Variants in PTPN9 observed in about 807,000 individuals in gnomAD.
The protein encoded by PTPN9 is tyrosine-protein phosphatase non-receptor type 9.
In PTPN9, 26 loss-of-function variants were observed where a neutral mutation model predicts 69.8. The observed-to-expected ratio is 0.37, with a 90% confidence interval of 0.27 to 0.52. The LOEUF (loss-of-function observed/expected upper bound fraction) is 0.52, where lower values mean the gene tolerates loss of function less well. PTPN9 is among the 20% of genes least tolerant of loss of function. The pLI is 0.91. For synonymous variants in PTPN9, 274 were observed against 272.5 expected (o/e 1.01, Z -0.05); for missense variants, 549 against 740.3 (o/e 0.74, Z 3.00).
At chr15:75,545,667 C>T (rs753352650) in intron 1 of PTPN9, among the ~76,000 whole-genome samples, 26 of 152,138 alleles carry the variant, frequency 1.7e-4, no homozygotes, top group Non-Finnish European at 1.2e-4. Flanking sequence ...TGGCCAGGCG[C>T]GGTGGCTCAT....
In PTPN9 at chr15:75,505,681, C is replaced by T. The variant is rs757267318; in HGVS notation, c.962G>A (p.Cys321Tyr). Residue 321 changes from cysteine to tyrosine, a missense_variant, in exon 7 of 13, where the codon TGT becomes TAT. Physicochemically the swap from Cys to Tyr is radical, Grantham distance 194. Around this residue, in one of 3 missense-constraint regions of PTPN9, gnomAD observed 457 missense variants for 661.9 expected, o/e 0.69. Transcript: ENST00000618819. The part of the protein sequence containing the change: ...RRENPVGTFH[C>Y]SMSPGNLEKN... ...CCAAACTTTTTCTACTTACATGGAA[C>T]AGTGGAAAGTGCCAACAGGGTTCTC... The T allele has an allele frequency of 1.9e-6, 3 of 1,612,710 alleles. No homozygotes were observed. The South Asian group carries it at 3.3e-5, about 18-fold the overall frequency.
At chr15:75,516,544 C>A (rs984954504) in intron 5 of PTPN9, among the ~76,000 whole-genome samples, 29 of 151,090 alleles carry the variant, frequency 1.9e-4, no homozygotes, top group African/African-American at 7.1e-4. Context: ...GATCTCCTGA[C>A]CTCGTGATCC....
intron 1 of PTPN9, among the ~76,000 whole-genome samples, chr15:75,547,730 A>G (rs111968823): frequency 0.11 from 16,374 of 151,414 alleles, 1,251 homozygotes; most frequent in Non-Finnish European, 0.17. Context: ...CAGTGACTCA[A>G]TCTTGGCTCA....
intron 1 of PTPN9, among the ~76,000 whole-genome samples, chr15:75,540,806 G>T (rs925098363): frequency 1.3e-5 from 2 of 151,732 alleles, no homozygotes; most frequent in Non-Finnish European, 2.9e-5. Context: ...GGTGGGACGA[G>T]ATGACTCATG....
rs1339934861 is a variant in PTPN9 at position 75,490,419 on chromosome 15, T to A, written c.969-118A>T. The A allele has an allele frequency of 8.4e-6, 6 of 713,790 alleles. No homozygotes were observed. The African/African-American group carries it at 1.1e-4, about 13-fold the overall frequency. 44.2% of individuals were successfully genotyped at this position (713,790 alleles called of 1,614,324 possible). ...CTCTTAGGGGTGGAGACATGGAAGC[T>A]TTTCAATTTCTAGCCCATACAGTTC... On this transcript the variant is annotated intron_variant, in intron 7 of 12. Coordinates refer to ENST00000618819, the MANE Select transcript of PTPN9 (RefSeq NM_002833.4).
At chr15:75,474,512 C>G (rs759722260) in intron 9 of PTPN9, among the ~76,000 whole-genome samples, 19 of 151,090 alleles carry the variant, frequency 1.3e-4, no homozygotes, top group Non-Finnish European at 2.4e-4. Context: ...GAACGAGACT[C>G]TGTCTCAAAA....
chr15:75,559,386 AAAG>A (rs1420104014), intron 1 of PTPN9, among the ~76,000 whole-genome samples: 1 of 152,182 alleles, frequency 6.6e-6, no homozygotes, highest in East Asian at 1.9e-4. Context: ...GTCTGTGTAG[AAAG>A]AAGTAGACAT....
chr15:75,578,763 G>A lies in PTPN9; in HGVS notation c.14C>T (p.Thr5Ile). ...CGGCGCCATGTCGGGCCGGGGCGCG[G>A]TCGCGGGCTCCATCCCCCCGCCACC... The part of the protein sequence containing the change: MEPA[T>I]APRPDMAPEL... Residue 5 changes from threonine (T) to isoleucine (I), a missense_variant, in exon 1 of 13, where the codon ACC becomes ATC. Around this residue, in one of 3 missense-constraint regions of PTPN9, gnomAD observed 62 missense variants for 53.6 expected, o/e 1.16. Coordinates refer to ENST00000618819, the MANE Select transcript of PTPN9 (RefSeq NM_002833.4). The A allele has an allele frequency of 7.8e-7, 1 of 1,281,428 alleles. No individual in the cohort carries two copies. Among genetic ancestry groups the A allele is most frequent in the Non-Finnish European group, 9.8e-7 (1 of 1,016,008 alleles). The allele number at this position is 1,281,428 out of a possible 1,614,324, so 79.4% of individuals were successfully genotyped here. A position where few individuals can be genotyped will look rare whatever the true frequency, so the allele number is the denominator to read the frequency against.
chr15:75,541,661 C>A (rs563796124), intron 1 of PTPN9, among the ~76,000 whole-genome samples: 1 of 152,072 alleles, frequency 6.6e-6, no homozygotes, highest in East Asian at 2.0e-4. Context: ...CTGCCTCAGC[C>A]TCTCAAAGTG....
chr15:75,517,042 C>T (rs2074874048), intron 5 of PTPN9, among the ~76,000 whole-genome samples: 1 of 152,078 alleles, frequency 6.6e-6, no homozygotes, highest in Non-Finnish European at 1.5e-5. Context: ...GGCGCCTGGC[C>T]GTTCCTGTGC....
In PTPN9 at chr15:75,576,037, T is replaced by G. The variant is rs61052540; in HGVS notation, c.63+2677A>C. Among the ~76,000 whole-genome samples the G allele has an allele frequency of 6.5e-3, 906 of 138,774 alleles. 50 individuals carry two copies. The East Asian group carries it at 0.16, about 25-fold the overall frequency. 91.0% of individuals were successfully genotyped at this position (138,774 alleles called of 152,430 possible). A position where few individuals can be genotyped will look rare whatever the true frequency, so the allele number is the denominator to read the frequency against. ...TCACGAGGTCAAGAAATCGAGACCA[T>G]CCTCCAACATGGTGAAACCCCGTCT... On this transcript the variant is annotated intron_variant, in intron 1 of 12. Transcript: ENST00000618819.
rs2074618945 is a variant in PTPN9 at position 75,479,922 on chromosome 15, T to A, written c.1063-8A>T. On this transcript the variant is annotated splice_polypyrimidine_tract_variant and splice_region_variant and intron_variant, in intron 8 of 12. Coordinates refer to ENST00000618819, the MANE Select transcript of PTPN9 (RefSeq NM_002833.4). ...GGCATTGATGTAATCTGTCTAATGA[T>A]AAAAAGGAGACATCACTATAGCTAC... 1 of 1,589,608 alleles carries A rather than the reference T, an allele frequency of 6.3e-7. No individual in the cohort carries two copies. Among genetic ancestry groups the A allele is most frequent in the Non-Finnish European group, 8.6e-7 (1 of 1,163,016 alleles).
At chr15:75,534,239 T>C (rs778942610) in intron 1 of PTPN9, among the ~76,000 whole-genome samples, 1 of 152,216 alleles carries the variant, frequency 6.6e-6, no homozygotes, top group Non-Finnish European at 1.5e-5. Flanking sequence ...CTTTTTTCTT[T>C]ACTCTGGTCA....
intron 1 of PTPN9, among the ~76,000 whole-genome samples, chr15:75,555,815 A>G (rs2075074624): frequency 6.6e-6 from 1 of 151,666 alleles, no homozygotes; most frequent in East Asian, 1.9e-4. Flanking sequence ...AAAATTTTGC[A>G]TTTTTAACAA....
In PTPN9 at chr15:75,530,487, T is replaced by C. The variant is rs2074951427; in HGVS notation, c.64-3226A>G. ...TATATTATAATAATAAAAATATATA[T>C]TATAATATATTATATTATAATATAT... On this transcript the variant is annotated intron_variant, in intron 1 of 12. Transcript: ENST00000618819. Among the ~76,000 whole-genome samples, 5 of 96,156 alleles carry C rather than the reference T, an allele frequency of 5.2e-5. No homozygotes were observed. In the South Asian group the frequency reaches 7.5e-4, roughly 14 times the overall value. The allele number at this position is 96,156 out of a possible 152,430, so 63.1% of individuals were successfully genotyped here. A position where few individuals can be genotyped will look rare whatever the true frequency, so the allele number is the denominator to read the frequency against.
intron 1 of PTPN9, among the ~76,000 whole-genome samples, chr15:75,541,911 A>T (rs1379173216): frequency 1.3e-5 from 2 of 151,406 alleles, no homozygotes; most frequent in Non-Finnish European, 2.9e-5. Flanking sequence ...GGTGGCGTGC[A>T]CCTGTAGTCC....
rs183232694 is a variant in PTPN9 at position 75,536,408 on chromosome 15, A to G, written c.64-9147T>C. ...ATGTATAAATACATCTTTACCACATAATGTAATAAATTCTAGGAAGGTTCT... is the reference window on the plus strand; with the variant it reads ...ATGTATAAATACATCTTTACCACATGATGTAATAAATTCTAGGAAGGTTCT... On this transcript the variant is annotated intron_variant, in intron 1 of 12. Transcript: ENST00000618819. 1.4e-4 allele frequency among the ~76,000 whole-genome samples: 22 copies of G among 152,332 alleles called. No individual in the cohort carries two copies. The South Asian group carries it at 1.4e-3, about 10-fold the overall frequency.
intron 3 of PTPN9, among the ~76,000 whole-genome samples, chr15:75,523,782 G>A (rs2074915164): frequency 6.6e-6 from 1 of 152,114 alleles, no homozygotes. Context: ...CTGTACAACT[G>A]ATTTTCCATA....
intron 1 of PTPN9, among the ~76,000 whole-genome samples, chr15:75,535,535 G>A (rs1183544816): frequency 6.6e-6 from 1 of 152,160 alleles, no homozygotes; most frequent in East Asian, 1.9e-4. Flanking sequence ...TACAGGTGTT[G>A]TGCAGAACAA....
Sources: allele counts gnomAD v4.1 joint callset (sites outside exome capture counted in the v4.1 genomes callset), GRCh38; gene constraint gnomAD v4.1.1; regional missense constraint gnomAD v4.1.1; transcripts MANE v1.5; gene names NCBI Gene and HGNC (gene_info 2026-07-23, HGNC 2026-07-21).